Variants in DLGAP2 observed in about 807,000 individuals in gnomAD.
The protein encoded by DLGAP2 is disks large-associated protein 2.
In DLGAP2, 26 loss-of-function variants were observed where a neutral mutation model predicts 100.3. The observed-to-expected ratio is 0.26, with a 90% CI of 0.19 to 0.36. DLGAP2 has a LOEUF of 0.36. Ranked by LOEUF, DLGAP2 falls within the 10% of genes least tolerant of loss-of-function variation. The probability of loss-of-function intolerance (pLI) is 1.00; values close to 1 mark genes in which losing one functional copy is unlikely to be tolerated. For missense variants in DLGAP2, 1,858 were observed against 1,453.2 expected (o/e 1.28, Z -4.53); for synonymous variants, 886 against 630.1 (o/e 1.41, Z -6.08).
intron 1 of DLGAP2, among the ~76,000 whole-genome samples, chr8:904,698 G>A (rs1798338664): frequency 6.6e-6 from 1 of 152,180 alleles, no homozygotes; most frequent in Non-Finnish European, 1.5e-5. Context: ...CTCGCAGCTG[G>A]CTGGGTGTGG....
intron 1 of DLGAP2, among the ~76,000 whole-genome samples, 199 bp from the exon 2 acceptor site, chr8:907,713 C>T (rs563731144): frequency 6.6e-6 from 1 of 152,204 alleles, no homozygotes; most frequent in Non-Finnish European, 1.5e-5. Context: ...TAATCACACT[C>T]ACCTGATTAA....
intron 2 of DLGAP2, among the ~76,000 whole-genome samples, chr8:1,083,458 A>G (rs1016768774): frequency 6.6e-6 from 1 of 152,086 alleles, no homozygotes; most frequent in Non-Finnish European, 1.5e-5. Context: ...AACTTTTATG[A>G]CGTTCGAGTT....
In DLGAP2 at chr8:1,606,514, G is replaced by A. The variant is rs186573578; in HGVS notation, c.1443-20226G>A. On this transcript the variant is annotated intron_variant, in intron 6 of 14. Coordinates refer to ENST00000637795, the MANE Select transcript of DLGAP2 (RefSeq NM_001346810.2). ...CTTTGTGTCTGGCTTCTAGCATAAC[G>A]TTTTCAACATTGATCCACATTGCAG... Among the ~76,000 whole-genome samples, 350 of 152,168 alleles carry A rather than the reference G, an allele frequency of 2.3e-3. 5 individuals carry two copies. The South Asian group carries it at 0.05, about 22-fold the overall frequency.
intron 2 of DLGAP2, among the ~76,000 whole-genome samples, chr8:1,025,085 C>CGCGTGTATGTGTGT (rs978974939): frequency 1.3e-5 from 2 of 151,230 alleles, no homozygotes; most frequent in African/African-American, 4.9e-5. Context: ...TGTGTGTGTG[C>CGCGTGTATGTGTGT]GCGTGTATGT....
chr8:1,040,609 G>A (rs147229376), intron 2 of DLGAP2, among the ~76,000 whole-genome samples: 108 of 148,830 alleles, frequency 7.3e-4, no homozygotes, highest in Middle Eastern at 3.6e-3. Flanking sequence ...TGGTCAGCTC[G>A]GTGTGCGTGG....
At chr8:1,042,842 GTGTGGGTGGTGGA>G (rs1802397283) in intron 2 of DLGAP2, among the ~76,000 whole-genome samples, 1 of 62,190 alleles carries the variant, frequency 1.6e-5, no homozygotes, top group Non-Finnish European at 3.4e-5. Context: ...TGGGTGGTGG[GTGTGGGTGGTGGA>G]TGTGGGTGGT....
At position 1,515,485 on chromosome 8, in the gene DLGAP2, C is replaced by T. The variant is rs560929646; in HGVS notation, c.172+14054C>T. 9.2e-5 allele frequency among the ~76,000 whole-genome samples: 14 copies of T among 151,956 alleles called. No homozygotes were observed. The South Asian group carries it at 2.9e-3, about 32-fold the overall frequency. On this transcript the variant is annotated intron_variant, in intron 4 of 14. Transcript: ENST00000637795. The stretch of plus-strand genomic sequence containing the variant: ...ACAATTGTAGACATGCAAAAATATG[C>T]AGACAGAAATGTGCACACACACACA...
intron 1 of DLGAP2, among the ~76,000 whole-genome samples, chr8:807,954 A>G (rs2132665854): frequency 6.6e-6 from 1 of 152,206 alleles, no homozygotes; most frequent in East Asian, 1.9e-4. Context: ...AAGATGTGGT[A>G]GCAGTGAGGC....
intron 3 of DLGAP2, among the ~76,000 whole-genome samples, chr8:1,441,343 A>G (rs1029014900): frequency 6.6e-6 from 1 of 152,076 alleles, no homozygotes; most frequent in East Asian, 1.9e-4. Flanking sequence ...TCACGCCCCT[A>G]CTTTTGTTAA....
At chr8:1,359,394 A>G (rs543352645) in intron 3 of DLGAP2, among the ~76,000 whole-genome samples, 1 of 152,364 alleles carries the variant, frequency 6.6e-6, no homozygotes, top group South Asian at 2.1e-4. Flanking sequence ...CCTGGGCTTC[A>G]GAGGAGGACA....
chr8:876,848 G>A (rs749734968), intron 1 of DLGAP2, among the ~76,000 whole-genome samples: 3 of 152,052 alleles, frequency 2.0e-5, no homozygotes, highest in Non-Finnish European at 4.4e-5. Flanking sequence ...GCTTTAGCTT[G>A]CAGAACATCT....
intron 3 of DLGAP2, among the ~76,000 whole-genome samples, chr8:1,287,811 A>G (rs1356778512): frequency 1.1e-4 from 10 of 92,818 alleles, no homozygotes; most frequent in Non-Finnish European, 1.4e-4. Flanking sequence ...TTCTGTTAGG[A>G]CGGGAACTAG....
At chr8:743,873 G>A (rs1404166231) in intron 1 of DLGAP2, among the ~76,000 whole-genome samples, 4 of 152,248 alleles carry the variant, frequency 2.6e-5, no homozygotes, top group Admixed American at 6.5e-5. Context: ...CCTTTTGCTG[G>A]TATTTGCATG....
intron 2 of DLGAP2, among the ~76,000 whole-genome samples, chr8:1,159,356 T>C (rs1451908873): frequency 6.6e-6 from 1 of 152,242 alleles, no homozygotes; most frequent in Non-Finnish European, 1.5e-5. Flanking sequence ...GATTTTGATT[T>C]TCAGGAAATC....
chr8:886,620 C>T (rs1483528690), intron 1 of DLGAP2, among the ~76,000 whole-genome samples: 1 of 152,178 alleles, frequency 6.6e-6, no homozygotes, highest in Non-Finnish European at 1.5e-5. Context: ...GCCTTAATTT[C>T]ATTATTTACC....
At chr8:1,108,750 T>TGGGTCTGTGAGGTGTGTAC (rs1179654531) in intron 2 of DLGAP2, among the ~76,000 whole-genome samples, 1 of 140,124 alleles carries the variant, frequency 7.1e-6, no homozygotes, top group Non-Finnish European at 1.5e-5. Flanking sequence ...TGAAGTGTGC[T>TGGGTCTGTGAGGTGTGTAC]GGGTCTGTGA....
At chr8:1,626,461 G>C (rs11988180) in intron 6 of DLGAP2, among the ~76,000 whole-genome samples, 41 of 49,544 alleles carry the variant, frequency 8.3e-4, no homozygotes, top group Admixed American at 2.0e-3. Flanking sequence ...GTTCCCATCT[G>C]TACCCTGTGG....
chr8:1,659,559 G>A (rs1199282230), intron 8 of DLGAP2, among the ~76,000 whole-genome samples: 1 of 152,144 alleles, frequency 6.6e-6, no homozygotes, highest in Admixed American at 6.5e-5. Flanking sequence ...AGGATAGTTA[G>A]CTCTTCTTGT....
intron 2 of DLGAP2, among the ~76,000 whole-genome samples, chr8:1,030,486 G>A (rs189982497): frequency 1.3e-5 from 2 of 152,258 alleles, no homozygotes; most frequent in African/African-American, 2.4e-5. Context: ...AGGTGCTCAC[G>A]GACTCGGCTG....
Sources: gnomAD v4.1 joint callset for allele counts (sites outside exome capture counted in the v4.1 genomes callset) on GRCh38, gnomAD v4.1.1 for gene constraint, MANE v1.5 for transcripts, NCBI Gene and HGNC (gene_info 2026-07-23, HGNC 2026-07-21) for gene names.